Variants in DKK2 observed in about 807,000 individuals in gnomAD.
The protein encoded by DKK2 is dickkopf-related protein 2.
Under a neutral mutation model 28.1 loss-of-function variants are expected in DKK2, and 11 were observed. That is an observed-to-expected ratio of 0.39 (90% CI 0.25 to 0.65). DKK2 has a LOEUF of 0.65. Ranked by LOEUF, DKK2 falls within the 30% of genes least tolerant of loss-of-function variation. The pLI is 0.47. For missense variants in DKK2, 326 were observed against 335.5 expected, an observed-to-expected ratio of 0.97 and a Z score of 0.22; for synonymous variants, 135 against 126.5, an observed-to-expected ratio of 1.07 and a Z score of -0.45.
At chr4:106,964,297 T>TA (rs1722734952) in intron 1 of DKK2, among the ~76,000 whole-genome samples, 2 of 152,038 alleles carry the variant, frequency 1.3e-5, no homozygotes, top group Admixed American at 6.6e-5. Context: ...TGTGGGAGAT[T>TA]AAAAAATATT....
chr4:106,976,227 G>A (rs1722942668), intron 1 of DKK2, among the ~76,000 whole-genome samples: 1 of 152,164 alleles, frequency 6.6e-6, no homozygotes, highest in South Asian at 2.1e-4. Context: ...TTGATTTGGG[G>A]TGGAGAGTTC....
intron 1 of DKK2, among the ~76,000 whole-genome samples, chr4:106,955,673 G>C (rs982780877): frequency 7.9e-5 from 12 of 152,088 alleles, no homozygotes; most frequent in African/African-American, 2.4e-4. Flanking sequence ...CAAAATTGCA[G>C]CTAAATCTAG....
intron 1 of DKK2, among the ~76,000 whole-genome samples, chr4:106,943,099 A>C (rs1226250563): frequency 1.3e-5 from 2 of 152,164 alleles, no homozygotes; most frequent in South Asian, 2.1e-4. Context: ...AACAACTCCA[A>C]CTCATCATTT....
chr4:106,961,514 T>G (rs1387816973), intron 1 of DKK2, among the ~76,000 whole-genome samples: 8 of 151,740 alleles, frequency 5.3e-5, no homozygotes, highest in Non-Finnish European at 1.0e-4. Flanking sequence ...TTTAAAATGT[T>G]TGACCTTAGA....
chr4:106,963,189 C>T (rs1722718880), intron 1 of DKK2, among the ~76,000 whole-genome samples: 1 of 151,814 alleles, frequency 6.6e-6, no homozygotes, highest in Admixed American at 6.6e-5. Flanking sequence ...CCCGTCTCTA[C>T]TAAAAATACA....
intron 1 of DKK2, among the ~76,000 whole-genome samples, chr4:106,933,901 AC>A (rs1449587819): frequency 6.6e-6 from 1 of 152,204 alleles, no homozygotes; most frequent in Admixed American, 6.5e-5. Context: ...TAAATGTTAT[AC>A]AAGTTTAAGT....
At position 106,922,730 on chromosome 4, in the gene DKK2, G is replaced by A. The variant is rs1724364640; in HGVS notation, c.*1224C>T. On this transcript the variant is annotated 3_prime_UTR_variant, in exon 4 of 4. Transcript: ENST00000285311. ...ATAATTTGAGGATAGTACGGACACA[G>A]GACCTCACACTGAATTCATCTGCAT... The A allele has an allele frequency of 6.6e-6, 1 of 152,160 alleles. No homozygotes were observed. Among genetic ancestry groups the A allele is most frequent in the African/African-American group, 2.4e-5 (1 of 41,436 alleles). 9.4% of individuals were successfully genotyped at this position (152,160 alleles called of 1,614,324 possible). A position where few individuals can be genotyped will look rare whatever the true frequency, so the allele number is the denominator to read the frequency against.
In DKK2 at chr4:107,036,007, G is replaced by C. The variant is rs1183898358; in HGVS notation, c.-416C>G. The stretch of plus-strand genomic sequence containing the variant: ...TTAATTGATCAGGAGGCCCGCATCA[G>C]CTCCTTCTCCTTCAACTCAGTTGCT... On this transcript the variant is annotated 5_prime_UTR_variant, in exon 1 of 4. Transcript: ENST00000285311. The C allele has an allele frequency of 4.8e-6, 1 of 206,680 alleles. No homozygotes were observed. Among genetic ancestry groups the C allele is most frequent in the Non-Finnish European group, 9.8e-6 (1 of 101,734 alleles). 12.8% of individuals were successfully genotyped at this position (206,680 alleles called of 1,614,324 possible). A position where few individuals can be genotyped will look rare whatever the true frequency, so the allele number is the denominator to read the frequency against.
intron 1 of DKK2, among the ~76,000 whole-genome samples, chr4:106,948,705 T>G (rs1724814180): frequency 6.6e-6 from 1 of 152,186 alleles, no homozygotes; most frequent in African/African-American, 2.4e-5. Context: ...CAGAAGTATC[T>G]CCTATCGTGG....
At chr4:107,011,675 A>G (rs1241359732) in intron 1 of DKK2, among the ~76,000 whole-genome samples, 1 of 150,228 alleles carries the variant, frequency 6.7e-6, no homozygotes, top group African/African-American at 2.4e-5. Flanking sequence ...GGAAATTAGC[A>G]TATATCTTTG....
At chr4:106,977,340 A>G (rs1442321624) in intron 1 of DKK2, among the ~76,000 whole-genome samples, 1 of 152,182 alleles carries the variant, frequency 6.6e-6, no homozygotes, top group East Asian at 1.9e-4. Context: ...GTGTTTTCCA[A>G]CTTGGTTCCA....
intron 1 of DKK2, among the ~76,000 whole-genome samples, chr4:107,031,136 A>C (rs1433515165): frequency 6.6e-6 from 1 of 151,996 alleles, no homozygotes; most frequent in Non-Finnish European, 1.5e-5. Context: ...TCATGGTGAG[A>C]GGAAAGGAAC....
chr4:106,989,880 T>G (rs900048111), intron 1 of DKK2, among the ~76,000 whole-genome samples: 1 of 152,170 alleles, frequency 6.6e-6, no homozygotes, highest in Non-Finnish European at 1.5e-5. Context: ...ATTTTAAAAT[T>G]TTCTAGTAAA....
intron 1 of DKK2, among the ~76,000 whole-genome samples, chr4:107,019,611 G>A (rs1229388080): frequency 1.3e-5 from 2 of 152,126 alleles, no homozygotes; most frequent in East Asian, 3.9e-4. Context: ...ATATACTAGA[G>A]TAGTATACTG....
intron 1 of DKK2, among the ~76,000 whole-genome samples, chr4:107,011,549 G>A (rs1250499452): frequency 6.6e-6 from 1 of 151,536 alleles, no homozygotes; most frequent in Non-Finnish European, 1.5e-5. Context: ...TGCAGCAAAA[G>A]CAAAAGTGTT....
At chr4:107,001,382 G>A (rs1426566868) in intron 1 of DKK2, among the ~76,000 whole-genome samples, 5 of 152,160 alleles carry the variant, frequency 3.3e-5, no homozygotes, top group Non-Finnish European at 7.3e-5. Context: ...CTTGGTTACA[G>A]CAACTCCAGG....
rs139521297 is a variant in DKK2, at chr4:106,986,232, C to T, written c.222+49138G>A. On this transcript the variant is annotated intron_variant, in intron 1 of 3. Transcript: ENST00000285311. ...TGTCAGCGCACTAGGAGTTTCTCTT[C>T]CTGGAGGCATGTTAAGAAGCAAAGG... Among the ~76,000 whole-genome samples the T allele has an allele frequency of 3.3e-3, 505 of 152,298 alleles. 4 individuals are homozygous for T. The highest frequency in any genetic ancestry group is 0.012 in the African/African-American group (485 of 41,544).
At chr4:107,013,706 A>C (rs1287551682) in intron 1 of DKK2, among the ~76,000 whole-genome samples, 1 of 151,602 alleles carries the variant, frequency 6.6e-6, no homozygotes, top group Non-Finnish European at 1.5e-5. Context: ...GCATCAAACT[A>C]AAAAGCTTCA....
intron 1 of DKK2, among the ~76,000 whole-genome samples, chr4:106,959,992 T>C (rs1291612241): frequency 6.6e-6 from 1 of 151,944 alleles, no homozygotes; most frequent in Non-Finnish European, 1.5e-5. Context: ...ATGTTTAATA[T>C]CCATTTTATA....
Sources: gnomAD v4.1 joint callset for allele counts (sites outside exome capture counted in the v4.1 genomes callset) on GRCh38, gnomAD v4.1.1 for gene constraint, MANE v1.5 for transcripts, NCBI Gene and HGNC (gene_info 2026-07-23, HGNC 2026-07-21) for gene names.